Variants in IQUB observed in about 807,000 individuals in gnomAD.
IQUB encodes IQ motif and ubiquitin domain containing.
IQUB carries 86 observed loss-of-function variants against 86.4 expected under a neutral mutation model. The ratio of observed to expected loss-of-function variants is 1.00; its 90% CI spans 0.84 to 1.19. The LOEUF (loss-of-function observed/expected upper bound fraction) is 1.19. Ranked by LOEUF, IQUB falls within the 50% of genes most tolerant of loss-of-function variation. IQUB has a pLI of 0.00. For synonymous variants in IQUB, 289 were observed against 304.5 expected, an observed-to-expected ratio of 0.95 and a Z score of 0.53; for missense variants, 946 against 916.9, an observed-to-expected ratio of 1.03 and a Z score of -0.41.
At position 123,496,859 on chromosome 7, in the gene IQUB, G is replaced by A. The variant is rs201226714; in HGVS notation, c.1071C>T (p.Phe357=). The A allele has an allele frequency of 4.7e-5, 75 of 1,611,962 alleles. No individual in the cohort carries two copies. Among genetic ancestry groups the A allele is most frequent in the Non-Finnish European group, 5.8e-5 (68 of 1,179,114 alleles). The change falls in exon 7 of 13, where the codon TTC becomes TTT. Residue 357 remains phenylalanine (F), a synonymous_variant. Transcript: ENST00000324698. ...TYYRQWHAKI[F]VENLRRQKSL... is the part of the protein sequence containing the mutation. ...TTTTCTGTCTTCTTAAATTCTCTAC[G>A]AAGATTTTAGCATGCCATTGCCTGT...
intron 12 of IQUB, among the ~76,000 whole-genome samples, chr7:123,455,547 C>A (rs2116932669): frequency 6.6e-6 from 1 of 152,140 alleles, no homozygotes; most frequent in East Asian, 1.9e-4. Flanking sequence ...ATGCAGAAAG[C>A]TTTAAATAAT....
intron 1 of IQUB, among the ~76,000 whole-genome samples, chr7:123,517,931 T>C (rs1488566054): frequency 6.6e-6 from 1 of 152,188 alleles, no homozygotes; most frequent in African/African-American, 2.4e-5. Flanking sequence ...TCCGAAGGTA[T>C]AGATACCTAA....
chr7:123,453,035 C>A, intron 12 of IQUB, 110 bp from the exon 13 acceptor site: 5 of 767,590 alleles, frequency 6.5e-6, no homozygotes, highest in South Asian at 4.1e-5. Context: ...TCCCAGACTA[C>A]CTTTATTTTT....
intron 7 of IQUB, among the ~76,000 whole-genome samples, chr7:123,496,329 T>C (rs1178941964): frequency 1.3e-5 from 2 of 152,136 alleles, no homozygotes; most frequent in East Asian, 1.9e-4. Flanking sequence ...GGATGCTGGA[T>C]TGAGGGATTA....
chr7:123,525,883 G>A (rs1797179775), intron 1 of IQUB, among the ~76,000 whole-genome samples: 2 of 147,106 alleles, frequency 1.4e-5, no homozygotes, highest in Non-Finnish European at 3.0e-5. Context: ...ATGCATCCCA[G>A]AGATGCTGGT....
At chr7:123,454,445 T>C (rs1460247351) in intron 12 of IQUB, among the ~76,000 whole-genome samples, 1 of 152,132 alleles carries the variant, frequency 6.6e-6, no homozygotes, top group African/African-American at 2.4e-5. Flanking sequence ...ATGAAATTCC[T>C]GCTACAGTAA....
At chr7:123,517,391 C>T (rs1197513041) in intron 1 of IQUB, among the ~76,000 whole-genome samples, 5 of 151,458 alleles carry the variant, frequency 3.3e-5, no homozygotes, top group African/African-American at 7.3e-5. Context: ...ATTAGCCGGG[C>T]GTTGTGGCAG....
In IQUB at chr7:123,457,399, C is replaced by T. The variant is rs767768018; in HGVS notation, c.2175G>A (p.Lys725=). Residue 725 remains lysine (K), a synonymous_variant, in exon 12 of 13, where the codon AAG becomes AAA. Transcript: ENST00000324698. ...LTKDEAAAHL[K]LTSIEEGYER... is the part of the protein sequence containing the mutation. ...TTCTTACCTCTTCAATACTTGTTAGCTTGAGATGAGCAGCTGCTTCATCTT... is the reference window on the plus strand; with the variant it reads ...TTCTTACCTCTTCAATACTTGTTAGTTTGAGATGAGCAGCTGCTTCATCTT... 1.9e-6 allele frequency: 3 copies of T among 1,611,372 alleles called. No individual in the cohort carries two copies. The highest frequency in any genetic ancestry group is 2.5e-6 in the Non-Finnish European group (3 of 1,178,764).
rs949744180 is a variant in IQUB at position 123,465,436 on chromosome 7, C to T, written c.1582-427G>A. ...AGAGATGACAAGAGGAATTGTAATTCGAAGGGAAAAGAGGACACCAGAAAC... is the reference window on the plus strand; with the variant it reads ...AGAGATGACAAGAGGAATTGTAATTTGAAGGGAAAAGAGGACACCAGAAAC... On this transcript the variant is annotated intron_variant, in intron 9 of 12. Coordinates refer to ENST00000324698, the MANE Select transcript of IQUB (RefSeq NM_178827.5). Among the ~76,000 whole-genome samples the T allele has an allele frequency of 2.6e-5, 4 of 151,888 alleles. No homozygotes were observed. In the South Asian group the frequency reaches 6.2e-4, roughly 24 times the overall value.
At chr7:123,484,428 C>T (rs975691372) in intron 7 of IQUB, among the ~76,000 whole-genome samples, 5 of 150,712 alleles carry the variant, frequency 3.3e-5, no homozygotes, top group South Asian at 2.1e-4. Flanking sequence ...ACAATTTATC[C>T]GATACGATCA....
intron 8 of IQUB, among the ~76,000 whole-genome samples, chr7:123,479,363 A>G (rs1450625512): frequency 6.6e-6 from 1 of 152,098 alleles, no homozygotes; most frequent in Non-Finnish European, 1.5e-5. Flanking sequence ...TGATGTGGTG[A>G]GCCAAAGCAA....
chr7:123,479,536 C>T (rs1379305270), intron 8 of IQUB, among the ~76,000 whole-genome samples: 1 of 152,064 alleles, frequency 6.6e-6, no homozygotes, highest in Non-Finnish European at 1.5e-5. Context: ...AGAAATGTGT[C>T]TCCATCTTTT....
Position 123,473,277 on chromosome 7 carries a change from T to C in IQUB, c.1411-3893A>G, listed in dbSNP as rs569163159. 9.2e-5 allele frequency among the ~76,000 whole-genome samples: 14 copies of C among 152,322 alleles called. No individual in the cohort carries two copies. In the South Asian group the frequency reaches 2.9e-3, roughly 32 times the overall value. On this transcript the variant is annotated intron_variant, in intron 8 of 12. Coordinates refer to ENST00000324698, the MANE Select transcript of IQUB (RefSeq NM_178827.5). ...TCAGAAAGAGGCCATGGCACTTTCCTGCCCCATTAACTGTTAGCTACCTGG... is the reference window on the plus strand; with the variant it reads ...TCAGAAAGAGGCCATGGCACTTTCCCGCCCCATTAACTGTTAGCTACCTGG...
chr7:123,503,421 A>C, intron 3 of IQUB, 58 bp from the exon 4 acceptor site: 2 of 920,548 alleles, frequency 2.2e-6, no homozygotes, highest in Non-Finnish European at 3.3e-6. Flanking sequence ...CTATTCATTG[A>C]TCTTATTTTT....
intron 1 of IQUB, among the ~76,000 whole-genome samples, chr7:123,522,840 C>T (rs1029449866): frequency 6.8e-6 from 1 of 146,096 alleles, no homozygotes; most frequent in Non-Finnish European, 1.5e-5. Flanking sequence ...TCTCCCAATG[C>T]TATCCCTCCC....
chr7:123,504,720 T>C (rs370901805), intron 3 of IQUB, among the ~76,000 whole-genome samples: 2 of 152,048 alleles, frequency 1.3e-5, no homozygotes, highest in Non-Finnish European at 2.9e-5. Context: ...CCTCCAACAC[T>C]GAGGATTACA....
Position 123,479,883 on chromosome 7 carries a change from T to C in IQUB, c.1322A>G (p.Glu441Gly). The change falls in exon 8 of 13, where the codon GAG becomes GGG. Residue 441 changes from glutamate (E) to glycine (G), a missense_variant. Physicochemically the swap from Glu to Gly is moderately conservative, Grantham distance 98 (BLOSUM62 -2). Transcript: ENST00000324698. ...CCCAATGGAAGCAATTATCTGAGTC[T>C]CTTTTTCCAGAAGTTCACACAGAGC... ...KAALCELLEK[E>G]TQIIASIGRH... 6.2e-7 allele frequency: 1 copy of C among 1,613,124 alleles called. No individual in the cohort carries two copies. Among genetic ancestry groups the C allele is most frequent in the South Asian group, 1.1e-5 (1 of 91,028 alleles).
intron 12 of IQUB, among the ~76,000 whole-genome samples, chr7:123,455,036 C>A (rs1166737776): frequency 1.3e-5 from 2 of 152,116 alleles, no homozygotes; most frequent in Admixed American, 6.6e-5. Flanking sequence ...AGAGTATCTA[C>A]ATAAATTATT....
At chr7:123,526,766 A>G (rs1797236442) in intron 1 of IQUB, among the ~76,000 whole-genome samples, 1 of 150,714 alleles carries the variant, frequency 6.6e-6, no homozygotes, top group Non-Finnish European at 1.5e-5. Context: ...TATTTTGCTC[A>G]TTAGTTGATG....
Sources: gnomAD v4.1 joint callset for allele counts (sites outside exome capture counted in the v4.1 genomes callset) on GRCh38, gnomAD v4.1.1 for gene constraint, MANE v1.5 for transcripts, NCBI Gene and HGNC (gene_info 2026-07-23, HGNC 2026-07-21) for gene names.